CNTNAP5: variants seen among roughly 807,000 people sequenced by gnomAD.
The protein encoded by CNTNAP5 is contactin associated protein family member 5.
CNTNAP5 carries 72 observed loss-of-function variants against 150.2 expected under a neutral mutation model. That is an observed-to-expected ratio of 0.48 (90% confidence interval 0.40 to 0.58). CNTNAP5 has a LOEUF of 0.58. Ranked by LOEUF, CNTNAP5 falls within the 20% of genes least tolerant of loss-of-function variation. The pLI, the probability that CNTNAP5 is intolerant of heterozygous loss-of-function variation, is 0.00. For missense variants in CNTNAP5, 1,636 were observed against 1,626.2 expected, an observed-to-expected ratio of 1.01 and a Z score of -0.10; for synonymous variants, 672 against 619.8, an observed-to-expected ratio of 1.08 and a Z score of -1.25.
chr2:124,041,365 T>C (rs758111466), intron 1 of CNTNAP5, among the ~76,000 whole-genome samples: 16 of 152,206 alleles, frequency 1.1e-4, no homozygotes, highest in Non-Finnish European at 1.9e-4. Context: ...AATACCTCAC[T>C]TGATGGCCAA....
intron 13 of CNTNAP5, among the ~76,000 whole-genome samples, chr2:124,703,649 CA>C (rs943618985): frequency 6.6e-6 from 1 of 152,128 alleles, no homozygotes. Context: ...TTGGTATATT[CA>C]AACCATTTGG....
At chr2:124,099,011 G>C (rs1198974291) in intron 1 of CNTNAP5, among the ~76,000 whole-genome samples, 1 of 152,098 alleles carries the variant, frequency 6.6e-6, no homozygotes, top group African/African-American at 2.4e-5. Flanking sequence ...TCTCCCTATT[G>C]TTATAAATTA....
chr2:124,815,682 G>A (rs977662504), intron 19 of CNTNAP5, among the ~76,000 whole-genome samples: 8 of 152,006 alleles, frequency 5.3e-5, no homozygotes, highest in East Asian at 1.9e-4. Flanking sequence ...TGAAAATAGC[G>A]TCATGAAAAT....
chr2:124,526,434 T>G (rs1465937945), intron 9 of CNTNAP5, among the ~76,000 whole-genome samples: 1 of 152,158 alleles, frequency 6.6e-6, no homozygotes, highest in Non-Finnish European at 1.5e-5. Flanking sequence ...ACGGCTGAAA[T>G]AATTCCCAGT....
At chr2:124,186,117 A>G (rs1454991163) in intron 1 of CNTNAP5, among the ~76,000 whole-genome samples, 1 of 152,188 alleles carries the variant, frequency 6.6e-6, no homozygotes, top group Non-Finnish European at 1.5e-5. Context: ...CTGAGTGGGC[A>G]TGAGAATTTG....
At chr2:124,906,509 TGGTCTACGATA>T (rs1357808830) in intron 22 of CNTNAP5, among the ~76,000 whole-genome samples, 1 of 152,098 alleles carries the variant, frequency 6.6e-6, no homozygotes, top group Admixed American at 6.6e-5. Context: ...CCCCCAGCAG[TGGTCTACGATA>T]GGTCATGATG....
chr2:124,174,110 G>GAAAAAAAA (rs3063417), intron 1 of CNTNAP5, among the ~76,000 whole-genome samples: 151 of 142,992 alleles, frequency 1.1e-3, no homozygotes, highest in Admixed American at 3.8e-3. Flanking sequence ...TACTGCTCAG[G>GAAAAAAAA]AAAAAAAAAA....
intron 1 of CNTNAP5, among the ~76,000 whole-genome samples, chr2:124,048,094 C>A (rs549451546): frequency 1.8e-4 from 27 of 152,298 alleles, no homozygotes; most frequent in Admixed American, 1.8e-3. Context: ...ACACATTCTG[C>A]CTGTTTTACT....
intron 19 of CNTNAP5, among the ~76,000 whole-genome samples, chr2:124,839,498 T>C (rs890073079): frequency 2.6e-5 from 4 of 152,096 alleles, no homozygotes; most frequent in African/African-American, 9.6e-5. Flanking sequence ...TAGATTTCCC[T>C]TTTTAAATCC....
chr2:124,488,527 C>G (rs1026007561), intron 7 of CNTNAP5, among the ~76,000 whole-genome samples: 1 of 152,072 alleles, frequency 6.6e-6, no homozygotes, highest in Non-Finnish European at 1.5e-5. Flanking sequence ...GCTTAACACA[C>G]GTTTTATATT....
At chr2:124,412,927 A>G (rs1410420533) in intron 3 of CNTNAP5, among the ~76,000 whole-genome samples, 1 of 104,620 alleles carries the variant, frequency 9.6e-6, no homozygotes, top group African/African-American at 3.9e-5. Context: ...AGAAACTACT[A>G]TCAGAGTGAA....
rs532676625 is a variant in CNTNAP5, at chr2:124,857,663, TA to T, written c.3218-7633del. Among the ~76,000 whole-genome samples the T allele has an allele frequency of 2.9e-4, 40 of 137,658 alleles. No homozygotes were observed. The East Asian group carries it at 3.9e-3, about 13-fold the overall frequency. 90.3% of individuals were successfully genotyped at this position (137,658 alleles called of 152,430 possible). A position where few individuals can be genotyped will look rare whatever the true frequency, so the allele number is the denominator to read the frequency against. On this transcript the variant is annotated intron_variant, in intron 19 of 23. Coordinates refer to ENST00000682447, the MANE Select transcript of CNTNAP5 (RefSeq NM_001367498.1). Reference sequence around the variant, plus strand: ...CAACATGATGAAACCCTGTCTCCACTAAAAAAAAAAGAAAAAAAAATGAATA... The same window carrying T: ...CAACATGATGAAACCCTGTCTCCACTAAAAAAAAAGAAAAAAAAATGAATA...
At chr2:124,233,394 T>C (rs1180456573) in intron 2 of CNTNAP5, among the ~76,000 whole-genome samples, 1 of 152,114 alleles carries the variant, frequency 6.6e-6, no homozygotes, top group African/African-American at 2.4e-5. Flanking sequence ...AACCTATGTT[T>C]TCCCAAGTTC....
intron 10 of CNTNAP5, among the ~76,000 whole-genome samples, chr2:124,543,448 C>A (rs1188927436): frequency 6.6e-6 from 1 of 152,104 alleles, no homozygotes; most frequent in East Asian, 1.9e-4. Context: ...TTCTGTGCGC[C>A]CCTAAGCAAC....
At chr2:124,760,501 A>C (rs1368890180) in intron 14 of CNTNAP5, among the ~76,000 whole-genome samples, 3 of 152,100 alleles carry the variant, frequency 2.0e-5, no homozygotes, top group Admixed American at 1.3e-4. Flanking sequence ...TGAAATACCA[A>C]AATTCAGATA....
chr2:124,901,785 T>A (rs1678418752), intron 21 of CNTNAP5, among the ~76,000 whole-genome samples: 1 of 152,150 alleles, frequency 6.6e-6, no homozygotes, highest in Middle Eastern at 3.2e-3. Context: ...TCAGTTTACA[T>A]GGGTGTTGAT....
chr2:124,715,099 T>C (rs1271914573), intron 13 of CNTNAP5, among the ~76,000 whole-genome samples: 1 of 151,912 alleles, frequency 6.6e-6, no homozygotes, highest in Non-Finnish European at 1.5e-5. Context: ...TAATGCGGAG[T>C]GTGTTTAATC....
chr2:124,521,045 A>G (rs548840162), intron 8 of CNTNAP5, among the ~76,000 whole-genome samples: 3 of 152,270 alleles, frequency 2.0e-5, no homozygotes, highest in South Asian at 2.1e-4. Flanking sequence ...CTTGAAACCC[A>G]TGCCTGGGCA....
At chr2:124,190,846 T>C (rs1238008686) in intron 1 of CNTNAP5, among the ~76,000 whole-genome samples, 1 of 152,220 alleles carries the variant, frequency 6.6e-6, no homozygotes, top group Admixed American at 6.5e-5. Flanking sequence ...TGTGGGTAGT[T>C]TGTTCTAAGT....
Sources: gnomAD v4.1 joint callset for allele counts (sites outside exome capture counted in the v4.1 genomes callset) on GRCh38, gnomAD v4.1.1 for gene constraint, MANE v1.5 for transcripts, NCBI Gene and HGNC (gene_info 2026-07-23, HGNC 2026-07-21) for gene names.